Variants in CNTNAP3B observed in about 807,000 individuals in gnomAD.
CNTNAP3B encodes the protein contactin-associated protein-like 3B.
A neutral mutation model predicts 108.9 loss-of-function variants in CNTNAP3B; 25 were observed. The observed-to-expected ratio is 0.23, with a 90% CI of 0.17 to 0.32. The LOEUF is 0.32. Ranked by LOEUF, CNTNAP3B falls within the 10% of genes least tolerant of loss-of-function variation. CNTNAP3B has a pLI of 1.00. For synonymous variants in CNTNAP3B, 103 were observed against 473.4 expected, an observed-to-expected ratio of 0.22 and a Z score of 10.16; for missense variants, 252 against 1,210.4, an observed-to-expected ratio of 0.21 and a Z score of 11.75.
rs1227592303 is a variant in CNTNAP3B, at chr9:42,123,369, C to G, written c.85+5641G>C. ...TCTGAGGGCTAAGATATCTAAAAAT[C>G]CAAGACAAATTATCATTTGCATATA... On this transcript the variant is annotated intron_variant, in intron 1 of 23. Transcript: ENST00000377561. Among the ~76,000 whole-genome samples, 9 of 108,358 alleles carry G rather than the reference C, an allele frequency of 8.3e-5. 1 individual carries two copies. The South Asian group carries it at 2.7e-3, about 32-fold the overall frequency. 71.1% of individuals were successfully genotyped at this position (108,358 alleles called of 152,430 possible).
At chr9:42,123,823 G>A (rs1828511902) in intron 1 of CNTNAP3B, among the ~76,000 whole-genome samples, 1 of 128,324 alleles carries the variant, frequency 7.8e-6, no homozygotes, top group Non-Finnish European at 1.6e-5. Flanking sequence ...ACTCCGTAAA[G>A]CATATAAAGT....
chr9:41,956,224 A>C (rs1161734557), intron 12 of CNTNAP3B, among the ~76,000 whole-genome samples: 2 of 152,042 alleles, frequency 1.3e-5, no homozygotes, highest in Non-Finnish European at 2.9e-5. Flanking sequence ...ATCTCTACTA[A>C]AAATACAAAA....
intron 1 of CNTNAP3B, among the ~76,000 whole-genome samples, chr9:42,120,771 G>C (rs28591404): frequency 8.4e-6 from 1 of 119,532 alleles, no homozygotes; most frequent in African/African-American, 3.6e-5. Context: ...GAACTGAACA[G>C]CGAGAACACA....
intron 17 of CNTNAP3B, among the ~76,000 whole-genome samples, chr9:41,920,997 C>T (rs1159450971): frequency 4.6e-5 from 7 of 152,404 alleles, no homozygotes; most frequent in East Asian, 1.9e-4. Flanking sequence ...TAGTGACAAA[C>T]ACCATTATGA....
chr9:42,114,744 C>A (rs1467968840), intron 1 of CNTNAP3B, among the ~76,000 whole-genome samples: 1 of 131,126 alleles, frequency 7.6e-6, no homozygotes, highest in Admixed American at 7.7e-5. Context: ...CCAGAAAAAA[C>A]ATGTTCCACT....
At chr9:41,944,462 A>T (rs1214619774) in intron 13 of CNTNAP3B, among the ~76,000 whole-genome samples, 1 of 152,268 alleles carries the variant, frequency 6.6e-6, no homozygotes, top group African/African-American at 2.4e-5. Flanking sequence ...ATGAAGTGGA[A>T]TAGTGTTATT....
chr9:42,049,666 C>T (rs1171567216), intron 3 of CNTNAP3B, among the ~76,000 whole-genome samples: 1 of 105,684 alleles, frequency 9.5e-6, no homozygotes. Context: ...CTGCTTAGTT[C>T]CTACTCTCTT....
chr9:42,030,814 G>GAT (rs1826510533), intron 3 of CNTNAP3B, among the ~76,000 whole-genome samples: 1 of 24,050 alleles, frequency 4.2e-5, no homozygotes, highest in Non-Finnish European at 9.4e-5. Context: ...AGAGAGAGAG[G>GAT]AGAGAGAGAG....
intron 1 of CNTNAP3B, among the ~76,000 whole-genome samples, chr9:42,110,935 G>T (rs1222328484): frequency 7.1e-6 from 1 of 140,118 alleles, no homozygotes; most frequent in Non-Finnish European, 1.5e-5. Flanking sequence ...GTGAACATAA[G>T]CAGTGATGGT....
intron 13 of CNTNAP3B, among the ~76,000 whole-genome samples, chr9:41,945,469 C>T (rs796510254): frequency 2.4e-3 from 317 of 133,492 alleles, no homozygotes; most frequent in African/African-American, 5.3e-3. Context: ...CTTTGTAGGG[C>T]CATGGATGAA....
chr9:41,934,481 A>G (rs1265056836), intron 14 of CNTNAP3B, among the ~76,000 whole-genome samples: 3 of 152,268 alleles, frequency 2.0e-5, no homozygotes, highest in Non-Finnish European at 4.4e-5. Context: ...TCGGCCTCCC[A>G]AAGTGCTGGG....
chr9:41,948,075 CT>C (rs1157775331), intron 13 of CNTNAP3B, among the ~76,000 whole-genome samples: 2 of 151,366 alleles, frequency 1.3e-5, no homozygotes, highest in Admixed American at 1.3e-4. Context: ...TTGGAGAATT[CT>C]TTTTGTTTTG....
intron 17 of CNTNAP3B, among the ~76,000 whole-genome samples, chr9:41,920,679 A>G (rs1823642803): frequency 6.6e-6 from 1 of 152,308 alleles, no homozygotes; most frequent in Admixed American, 6.5e-5. Context: ...CATTCATCAA[A>G]CATTATTTTA....
intron 4 of CNTNAP3B, among the ~76,000 whole-genome samples, chr9:42,011,913 T>C (rs1587197703): frequency 1.0e-5 from 1 of 97,588 alleles, no homozygotes; most frequent in Non-Finnish European, 2.1e-5. Context: ...TCACATATTA[T>C]CTGTCTGCAT....
chr9:41,979,760 G>A (rs1340127023), intron 9 of CNTNAP3B: 2 of 91,906 alleles, frequency 2.2e-5, no homozygotes, highest in African/African-American at 8.5e-5. Context: ...TTTTTTGTGT[G>A]TGTATTTTTG....
intron 1 of CNTNAP3B, among the ~76,000 whole-genome samples, chr9:42,123,524 G>A (rs1405007645): frequency 8.0e-6 from 1 of 124,244 alleles, no homozygotes; most frequent in Non-Finnish European, 1.7e-5. Context: ...TTTTGGTCTA[G>A]TGTTCCATAA....
At chr9:42,086,743 C>T (rs1292344107) in intron 2 of CNTNAP3B, among the ~76,000 whole-genome samples, 1 of 113,690 alleles carries the variant, frequency 8.8e-6, no homozygotes, top group South Asian at 3.0e-4. Flanking sequence ...CTGTGCCCAG[C>T]CTCTATGAAC....
At chr9:41,934,870 T>C (rs1397835093) in intron 14 of CNTNAP3B, among the ~76,000 whole-genome samples, 2 of 152,298 alleles carry the variant, frequency 1.3e-5, no homozygotes, top group Non-Finnish European at 2.9e-5. Flanking sequence ...ATTTAAACCA[T>C]CTTATTTTAT....
At chr9:41,924,582 T>C (rs1438480495) in intron 15 of CNTNAP3B, among the ~76,000 whole-genome samples, 10 of 151,732 alleles carry the variant, frequency 6.6e-5, no homozygotes, top group African/African-American at 2.4e-4. Flanking sequence ...AAGTGGAGAT[T>C]TGAAGGAGGT....
Sources: allele counts gnomAD v4.1 joint callset (sites outside exome capture counted in the v4.1 genomes callset), GRCh38; gene constraint gnomAD v4.1.1; transcripts MANE v1.5; gene names NCBI Gene and HGNC (gene_info 2026-07-23, HGNC 2026-07-21).